Variants in ZNF564 observed in about 807,000 individuals in gnomAD.
ZNF564 encodes zinc finger protein 564.
In ZNF564, 5 loss-of-function variants were observed where a neutral mutation model predicts 10.5. The observed-to-expected ratio is 0.48, with a 90% confidence interval of 0.25 to 1.00. The LOEUF (loss-of-function observed/expected upper bound fraction) is 1.00. Ranked by LOEUF, ZNF564 falls within the 50% of genes least tolerant of loss-of-function variation. The pLI is 0.16. For missense variants in ZNF564, 603 were observed against 669.7 expected, an observed-to-expected ratio of 0.90 and a Z score of 1.10; for synonymous variants, 242 against 218.1, an observed-to-expected ratio of 1.11 and a Z score of -0.97.
chr19:12,546,253 T>C (rs1489394332), intron 1 of ZNF564, among the ~76,000 whole-genome samples: 3 of 152,192 alleles, frequency 2.0e-5, no homozygotes, highest in Non-Finnish European at 2.9e-5. Context: ...ACCAACTCTG[T>C]GGATACAAAA....
rs2021738886 is a variant in ZNF564, at chr19:12,528,623, T to C, written c.77A>G (p.Lys26Arg). ...CCGCATCACATCTCTGTAGAGTTTC[T>C]TCTGGGAAGGATCCAGCAAAGCCCA... ...EEWALLDPSQ[K>R]KLYRDVMRET... is the part of the protein sequence containing the mutation. Residue 26 changes from lysine (K) to arginine (R), a missense_variant, in exon 2 of 4, where the codon AAG becomes AGG. Coordinates refer to ENST00000339282, the MANE Select transcript of ZNF564 (RefSeq NM_144976.4). 6.2e-7 allele frequency: 1 copy of C among 1,613,974 alleles called. No individual in the cohort carries two copies. Among genetic ancestry groups the C allele is most frequent in the East Asian group, 2.2e-5 (1 of 44,898 alleles).
chr19:12,528,458 A>T, intron 2 of ZNF564, 94 bp from the exon 3 acceptor site: 1 of 1,576,844 alleles, frequency 6.3e-7, no homozygotes, highest in Non-Finnish European at 8.6e-7. Flanking sequence ...AACAACCCTG[A>T]TTTATTCACC....
At chr19:12,530,798 G>C (rs1421791044) in intron 1 of ZNF564, among the ~76,000 whole-genome samples, 2 of 152,106 alleles carry the variant, frequency 1.3e-5, no homozygotes, top group African/African-American at 2.4e-5. Flanking sequence ...ATGGGAACTT[G>C]CTCCGTCATC....
At chr19:12,548,118 TTAAG>T (rs2022187786) in intron 1 of ZNF564, 1 of 976,080 alleles carries the variant, frequency 1.0e-6, no homozygotes, top group Non-Finnish European at 1.2e-6. Flanking sequence ...TCACTTATTT[TTAAG>T]TAAGAAAATA....
At chr19:12,543,180 T>C (rs146977905) in intron 1 of ZNF564, among the ~76,000 whole-genome samples, 3,081 of 151,512 alleles carry the variant, frequency 0.02, 98 homozygotes, top group African/African-American at 0.07. Flanking sequence ...GGTGCACCTG[T>C]AATCCCAGCT....
chr19:12,530,613 G>A (rs1441657785), intron 1 of ZNF564, among the ~76,000 whole-genome samples: 1 of 152,130 alleles, frequency 6.6e-6, no homozygotes, highest in African/African-American at 2.4e-5. Context: ...ATTTGACCAT[G>A]ATTATAAAAT....
rs1407440003 is a variant in ZNF564, at chr19:12,527,957, T to C, written c.192-41A>G. On this transcript the variant is annotated intron_variant, in intron 3 of 3. Transcript: ENST00000339282. ...AGCAAGATTTAGTGGTTTGTGACTT[T>C]ATATTTATTAATAGGTATTCGACTT... The C allele has an allele frequency of 5.9e-6, 9 of 1,531,772 alleles. No homozygotes were observed. The South Asian group carries it at 9.2e-5, about 16-fold the overall frequency. The allele number at this position is 1,531,772 out of a possible 1,614,324, so 94.9% of individuals were successfully genotyped here.
At chr19:12,533,024 G>C (rs1189206488) in intron 1 of ZNF564, 1 of 152,154 alleles carries the variant, frequency 6.6e-6, no homozygotes, top group Non-Finnish European at 1.5e-5. Flanking sequence ...GGATTTAATT[G>C]AAATGCATGG....
At chr19:12,534,244 G>C (rs998957012) in intron 1 of ZNF564, among the ~76,000 whole-genome samples, 6 of 152,124 alleles carry the variant, frequency 3.9e-5, no homozygotes, top group Non-Finnish European at 8.8e-5. Context: ...TATCGATTTA[G>C]AAGGAAGAAA....
chr19:12,551,379 G>A lies in ZNF564; in HGVS notation c.-47C>T. ...CGGGGTCCTGCCTACGGCTCTCTCC[G>A]GCCTGTGCAGGTCCCAGCGCGCCAG... On this transcript the variant is annotated 5_prime_UTR_variant, in exon 1 of 4. Transcript: ENST00000339282. 3.2e-6 allele frequency: 5 copies of A among 1,574,600 alleles called. No individual in the cohort carries two copies. Among genetic ancestry groups the A allele is most frequent in the Non-Finnish European group, 4.3e-6 (5 of 1,160,766 alleles).
chr19:12,545,734 G>A (rs890481161), intron 1 of ZNF564, among the ~76,000 whole-genome samples: 1 of 152,178 alleles, frequency 6.6e-6, no homozygotes, highest in Non-Finnish European at 1.5e-5. Flanking sequence ...CAGGGAAAGG[G>A]GGGTGGATAT....
chr19:12,536,172 T>G (rs1404245970), intron 1 of ZNF564, among the ~76,000 whole-genome samples: 3 of 152,162 alleles, frequency 2.0e-5, no homozygotes, highest in African/African-American at 7.2e-5. Context: ...AACTAATCAC[T>G]GAACCATGTT....
intron 1 of ZNF564, among the ~76,000 whole-genome samples, chr19:12,537,362 CAATAT>C (rs1028413249): frequency 5.8e-4 from 88 of 152,202 alleles, no homozygotes; most frequent in African/African-American, 1.9e-3. Flanking sequence ...CTAAACAACA[CAATAT>C]AACAACTATT....
chr19:12,538,631 AT>A (rs1228302983), intron 1 of ZNF564, among the ~76,000 whole-genome samples: 2 of 151,972 alleles, frequency 1.3e-5, no homozygotes, highest in Admixed American at 6.6e-5. Context: ...TCTAAAAAAA[AT>A]AAATAAATAA....
intron 1 of ZNF564, among the ~76,000 whole-genome samples, chr19:12,543,201 C>A (rs1261928798): frequency 6.6e-6 from 1 of 151,028 alleles, no homozygotes; most frequent in African/African-American, 2.4e-5. Context: ...ACTCAGGAGG[C>A]TGAGGCAGGA....
chr19:12,531,597 T>C lies in ZNF564; in HGVS notation c.4-2901A>G, dbSNP rs116706058. ...AAAAAAAAAAATAGGAGAACCATGG[T>C]AGGCACTGAGGAAAAAAGACCACAT... On this transcript the variant is annotated intron_variant, in intron 1 of 3. Transcript: ENST00000339282. 4.9e-3 allele frequency among the ~76,000 whole-genome samples: 734 copies of C among 150,790 alleles called. 11 individuals are homozygous for C. Among genetic ancestry groups the C allele is most frequent in the African/African-American group, 0.016 (660 of 41,178 alleles).
rs923735785 is a variant in ZNF564, at chr19:12,529,316, C to G, written c.4-620G>C. On this transcript the variant is annotated intron_variant, in intron 1 of 3. Coordinates refer to ENST00000339282, the MANE Select transcript of ZNF564 (RefSeq NM_144976.4). ...CAAATAAAATGCTATACAAAGAAAA[C>G]AAATTTTGGCCAGGCCTGGTGGCTC... 2.0e-5 allele frequency among the ~76,000 whole-genome samples: 3 copies of G among 151,570 alleles called. No homozygotes were observed. In the East Asian group the frequency reaches 5.9e-4, roughly 30 times the overall value.
chr19:12,533,727 C>A lies in ZNF564; in HGVS notation c.4-5031G>T, dbSNP rs1297153427. On this transcript the variant is annotated intron_variant, in intron 1 of 3. Transcript: ENST00000339282. ...GGGCGACACAGCAGGCTGCTGTCTC[C>A]AAAAAAAAAAAAAAAAAAAAAAACA... Among the ~76,000 whole-genome samples, 244 of 29,180 alleles carry A rather than the reference C, an allele frequency of 8.4e-3. 1 individual carries two copies. The highest frequency in any genetic ancestry group is 0.022 in the African/African-American group (130 of 5,860). 19.1% of individuals were successfully genotyped at this position (29,180 alleles called of 152,430 possible).
rs756595893 is a variant in ZNF564, at chr19:12,528,630, A to T, written c.70T>A (p.Ser24Thr). 1.2e-6 allele frequency: 2 copies of T among 1,614,076 alleles called. No individual in the cohort carries two copies. The highest frequency in any genetic ancestry group is 2.2e-5 in the South Asian group (2 of 91,066). The change falls in exon 2 of 4, where the codon TCC (serine) becomes ACC (threonine). Residue 24 changes from serine (S) to threonine (T), a missense_variant. By Grantham distance (58) the Ser-to-Thr change is moderately conservative. Coordinates refer to ENST00000339282, the MANE Select transcript of ZNF564 (RefSeq NM_144976.4). ...TLEEWALLDPSQKKLYRDVMR... is the reference protein window; with the variant it reads ...TLEEWALLDPTQKKLYRDVMR... ...ACATCTCTGTAGAGTTTCTTCTGGG[A>T]AGGATCCAGCAAAGCCCACTCCTCA...
Sources: allele counts gnomAD v4.1 joint callset (sites outside exome capture counted in the v4.1 genomes callset), GRCh38; gene constraint gnomAD v4.1.1; transcripts MANE v1.5; gene names NCBI Gene and HGNC (gene_info 2026-07-23, HGNC 2026-07-21).